RNF212B: variants seen among roughly 807,000 people sequenced by gnomAD.
RNF212B encodes the protein E3 ubiquitin-protein ligase RNF212B.
Under a neutral mutation model 55.5 loss-of-function variants are expected in RNF212B, and 52 were observed. The observed-to-expected ratio is 0.94, with a 90% CI of 0.75 to 1.18. The LOEUF (loss-of-function observed/expected upper bound fraction) is 1.18, where lower values mean the gene tolerates loss of function less well. RNF212B is among the 50% of genes most tolerant of loss of function. RNF212B has a pLI of 0.00. For missense variants in RNF212B, 289 were observed against 350.4 expected (o/e 0.82, Z 1.40); for synonymous variants, 99 against 121.4 (o/e 0.82, Z 1.21).
Position 23,264,688 on chromosome 14 carries a change from A to G in RNF212B, c.634+17A>G, listed in dbSNP as rs1401229361. Reference sequence around the variant, plus strand: ...CTTATAATGGTGAGGTGGGGGGAAAAGGGTGTCAGAAATCAACTTACTCTA... The same window carrying G: ...CTTATAATGGTGAGGTGGGGGGAAAGGGGTGTCAGAAATCAACTTACTCTA... On this transcript the variant is annotated intron_variant, in intron 11 of 14. Transcript: ENST00000430154. The G allele has an allele frequency of 5.5e-6, 7 of 1,273,682 alleles. No individual in the cohort carries two copies. In the South Asian group the frequency reaches 2.0e-4, roughly 37 times the overall value. The allele number at this position is 1,273,682 out of a possible 1,614,324, so 78.9% of individuals were successfully genotyped here. A position where few individuals can be genotyped will look rare whatever the true frequency, so the allele number is the denominator to read the frequency against.
intron 2 of RNF212B, among the ~76,000 whole-genome samples, chr14:23,223,970 A>G (rs1450103422): frequency 6.6e-6 from 1 of 152,220 alleles, no homozygotes; most frequent in African/African-American, 2.4e-5. Context: ...AGAGAAATAA[A>G]AAAGTAATCT....
chr14:23,265,398 G>A (rs1435698099), intron 11 of RNF212B, among the ~76,000 whole-genome samples: 1 of 152,128 alleles, frequency 6.6e-6, no homozygotes, highest in East Asian at 1.9e-4. Context: ...TTTTGGGTCT[G>A]CTTACTTAAT....
intron 1 of RNF212B, among the ~76,000 whole-genome samples, chr14:23,190,141 G>A (rs1278694617): frequency 6.6e-6 from 1 of 151,994 alleles, no homozygotes; most frequent in African/African-American, 2.4e-5. Flanking sequence ...GCTCCTGGCT[G>A]GATCCTTTCC....
chr14:23,223,222 A>C (rs1276129467), intron 2 of RNF212B, among the ~76,000 whole-genome samples: 1 of 152,212 alleles, frequency 6.6e-6, no homozygotes, highest in Non-Finnish European at 1.5e-5. Flanking sequence ...ATAGCACTTG[A>C]TAAAGTTCAA....
chr14:23,252,126 C>A (rs1380846674), intron 4 of RNF212B, among the ~76,000 whole-genome samples: 1 of 152,080 alleles, frequency 6.6e-6, no homozygotes, highest in Non-Finnish European at 1.5e-5. Context: ...GACCCCAACC[C>A]TCTAAACAGT....
intron 2 of RNF212B, among the ~76,000 whole-genome samples, chr14:23,240,927 T>C (rs1250530511): frequency 6.6e-6 from 1 of 152,194 alleles, no homozygotes; most frequent in Non-Finnish European, 1.5e-5. Context: ...GCCCAGGTGG[T>C]AATTATTAGT....
chr14:23,224,667 G>A (rs958552249), intron 2 of RNF212B, among the ~76,000 whole-genome samples: 1 of 152,082 alleles, frequency 6.6e-6, no homozygotes, highest in African/African-American at 2.4e-5. Flanking sequence ...AAAACATTGG[G>A]GAAACTTTCC....
chr14:23,245,496 G>C (rs1883918377), intron 4 of RNF212B, among the ~76,000 whole-genome samples: 1 of 152,296 alleles, frequency 6.6e-6, no homozygotes, highest in East Asian at 1.9e-4. Flanking sequence ...TAACCTGCCT[G>C]ATCATGGGAC....
intron 5 of RNF212B, chr14:23,259,346 GC>G (rs1885118981): frequency 6.7e-6 from 1 of 149,016 alleles, no homozygotes; most frequent in African/African-American, 2.5e-5. Flanking sequence ...ACACCACTAT[GC>G]CTGGCTAATT....
intron 2 of RNF212B, among the ~76,000 whole-genome samples, chr14:23,212,946 TATG>T (rs1880675026): frequency 6.6e-6 from 1 of 152,196 alleles, no homozygotes; most frequent in South Asian, 2.1e-4. Context: ...CATTATCATT[TATG>T]ATAATATCAG....
chr14:23,218,851 C>T (rs1881319703), intron 2 of RNF212B, among the ~76,000 whole-genome samples: 1 of 151,964 alleles, frequency 6.6e-6, no homozygotes, highest in African/African-American at 2.4e-5. Flanking sequence ...AGTTATAGAA[C>T]ACCAAACAGA....
intron 2 of RNF212B, among the ~76,000 whole-genome samples, chr14:23,219,298 C>T (rs1406130985): frequency 1.3e-5 from 2 of 152,114 alleles, no homozygotes; most frequent in Non-Finnish European, 2.9e-5. Context: ...TAGTATAACA[C>T]TGTAATGGTG....
intron 11 of RNF212B, among the ~76,000 whole-genome samples, chr14:23,265,922 C>T (rs1885658410): frequency 6.6e-6 from 1 of 152,100 alleles, no homozygotes; most frequent in African/African-American, 2.4e-5. Context: ...TTTACTGCAT[C>T]CTATAACATT....
chr14:23,211,311 GA>G (rs1216061715), intron 2 of RNF212B, among the ~76,000 whole-genome samples: 1 of 151,854 alleles, frequency 6.6e-6, no homozygotes, highest in Non-Finnish European at 1.5e-5. Context: ...ACACAGGCAA[GA>G]TGAATAGATA....
chr14:23,256,466 G>A (rs1328768050), intron 4 of RNF212B, among the ~76,000 whole-genome samples: 1 of 151,856 alleles, frequency 6.6e-6, no homozygotes. Flanking sequence ...CCACCTTCTG[G>A]GTTCAAGTGA....
At chr14:23,253,386 G>A (rs774193481) in intron 4 of RNF212B, among the ~76,000 whole-genome samples, 23 of 152,092 alleles carry the variant, frequency 1.5e-4, no homozygotes, top group Non-Finnish European at 2.8e-4. Context: ...TATTATTGAA[G>A]AAAATGGTCT....
chr14:23,209,620 T>C (rs1210684992), intron 2 of RNF212B, among the ~76,000 whole-genome samples: 1 of 152,182 alleles, frequency 6.6e-6, no homozygotes, highest in Non-Finnish European at 1.5e-5. Flanking sequence ...AAATAATATA[T>C]GTAGATACTT....
intron 2 of RNF212B, among the ~76,000 whole-genome samples, chr14:23,232,781 A>AG (rs1424897567): frequency 2.2e-5 from 2 of 91,408 alleles, no homozygotes; most frequent in African/African-American, 4.4e-5. Flanking sequence ...TCTGGGAGGG[A>AG]GGTGGGGGGG....
chr14:23,267,156 T>A (rs1243384709), intron 11 of RNF212B, among the ~76,000 whole-genome samples: 1 of 151,794 alleles, frequency 6.6e-6, no homozygotes, highest in Non-Finnish European at 1.5e-5. Flanking sequence ...TCAATTTTCA[T>A]GTCTTTGTAG....
Sources: gnomAD v4.1 joint callset for allele counts (sites outside exome capture counted in the v4.1 genomes callset) on GRCh38, gnomAD v4.1.1 for gene constraint, MANE v1.5 for transcripts, NCBI Gene and HGNC (gene_info 2026-07-23, HGNC 2026-07-21) for gene names.